ANKRD37: variants seen among roughly 807,000 people sequenced by gnomAD.
ANKRD37 encodes ankyrin repeat domain 37.
In ANKRD37, 17 loss-of-function variants were observed where a neutral mutation model predicts 19.7. The ratio of observed to expected loss-of-function variants is 0.86; its 90% CI spans 0.59 to 1.29. The LOEUF (loss-of-function observed/expected upper bound fraction) is 1.29, where lower values mean the gene tolerates loss of function less well. ANKRD37 is among the 50% of genes most tolerant of loss of function. ANKRD37 has a pLI of 0.00. For synonymous variants in ANKRD37, 79 were observed against 74.5 expected, an observed-to-expected ratio of 1.06 and a Z score of -0.31; for missense variants, 207 against 190.4, an observed-to-expected ratio of 1.09 and a Z score of -0.51.
chr4:185,397,380 T>C (rs773765453), intron 2 of ANKRD37, 78 bp downstream of exon 2: 14 of 1,535,268 alleles, frequency 9.1e-6, no homozygotes, highest in Admixed American at 1.9e-5. Flanking sequence ...ACGCCAAGAG[T>C]TGTTTCAGCT....
chr4:185,397,516 A>G (rs1561101759), intron 2 of ANKRD37: 3 of 568,812 alleles, frequency 5.3e-6, no homozygotes, highest in East Asian at 6.6e-5. Context: ...AAGTAGCCAC[A>G]TTAATAAACG....
Position 185,397,204 on chromosome 4 carries a change from G to C in ANKRD37, c.82G>C (p.Asp28His). The C allele has an allele frequency of 6.2e-7, 1 of 1,614,038 alleles. No individual in the cohort carries two copies. The highest frequency in any genetic ancestry group is 8.5e-7 in the Non-Finnish European group (1 of 1,180,030). Residue 28 changes from aspartate (D) to histidine (H), a missense_variant, in exon 2 of 5, where the codon GAT (aspartate) becomes CAT (histidine). Physicochemically the swap from Asp to His is moderately conservative, Grantham distance 81. Transcript: ENST00000335174. Reference protein sequence around the residue: ...ETGASVNAPPDPCKQSPVHLA... With the variant: ...ETGASVNAPPHPCKQSPVHLA... ...AGGGGCCTCGGTCAACGCACCCCCG[G>C]ATCCCTGCAAGCAGTCGCCTGTCCA...
At chr4:185,398,424 A>G (rs988347387) in intron 2 of ANKRD37, among the ~76,000 whole-genome samples, 7 of 152,254 alleles carry the variant, frequency 4.6e-5, no homozygotes, top group Non-Finnish European at 8.8e-5. Context: ...TGAAATGAAT[A>G]TGCAAGCATA....
intron 2 of ANKRD37, among the ~76,000 whole-genome samples, 179 bp from the exon 3 acceptor site, chr4:185,398,758 A>G (rs560838283): frequency 6.6e-6 from 1 of 151,920 alleles, no homozygotes; most frequent in Non-Finnish European, 1.5e-5. Context: ...GAATATTAAC[A>G]AAATAAACCC....
chr4:185,398,972 A>G lies in ANKRD37; in HGVS notation c.216A>G (p.Ala72=), dbSNP rs768557708. 5 of 1,613,790 alleles carry G rather than the reference A, an allele frequency of 3.1e-6. No individual in the cohort carries two copies. Among genetic ancestry groups the G allele is most frequent in the Middle Eastern group, 1.6e-4 (1 of 6,082 alleles). Reference sequence around the variant, plus strand: ...GAGAAGCTCCACTACACAAGGCAGCAAAAGTTGGAAGCCTGGAGTGCCTAA... The same window carrying G: ...GAGAAGCTCCACTACACAAGGCAGCGAAAGTTGGAAGCCTGGAGTGCCTAA... ...VLGEAPLHKA[A]KVGSLECLSL... Residue 72 remains alanine, a synonymous_variant, in exon 3 of 5, where the codon GCA becomes GCG. Coordinates refer to ENST00000335174, the MANE Select transcript of ANKRD37 (RefSeq NM_181726.4).
In ANKRD37 at chr4:185,397,280, C is replaced by T. The variant is rs985063708; in HGVS notation, c.158C>T (p.Thr53Met). 2 of 1,614,022 alleles carry T rather than the reference C, an allele frequency of 1.2e-6. No individual in the cohort carries two copies. Among genetic ancestry groups the T allele is most frequent in the African/African-American group, 1.3e-5 (1 of 75,070 alleles). ...LACFLLWQLQ[T>M]GADLNQQDVL... ...TGCTTTCTTCTCTGGCAGCTGCAAA[C>T]GGGCGCTGACCTCAACCAGCAGGTA... is the stretch of plus-strand genomic sequence containing the variant. The change falls in exon 2 of 5, where the codon ACG becomes ATG. Residue 53 changes from threonine (T) to methionine (M), a missense_variant. By Grantham distance (81) the Thr-to-Met change is moderately conservative (BLOSUM62 -1). Transcript: ENST00000335174.
Position 185,400,075 on chromosome 4 carries a change from G to A in ANKRD37, c.*58G>A, listed in dbSNP as rs551361195. The stretch of plus-strand genomic sequence containing the variant: ...GCCTTCATTTCATGCAAATCTATAA[G>A]CTCCTGCTTTTGGCTTTACCATATG... On this transcript the variant is annotated 3_prime_UTR_variant, in exon 5 of 5. Coordinates refer to ENST00000335174, the MANE Select transcript of ANKRD37 (RefSeq NM_181726.4). The A allele has an allele frequency of 3.3e-5, 48 of 1,473,654 alleles. 1 individual carries two copies. In the South Asian group the frequency reaches 5.8e-4, roughly 18 times the overall value. 91.3% of individuals were successfully genotyped at this position (1,473,654 alleles called of 1,614,324 possible). A position where few individuals can be genotyped will look rare whatever the true frequency, so the allele number is the denominator to read the frequency against.
chr4:185,399,014 T>C lies in ANKRD37; in HGVS notation c.258T>C (p.Ser86=). 6.2e-7 allele frequency: 1 copy of C among 1,613,798 alleles called. No individual in the cohort carries two copies. The highest frequency in any genetic ancestry group is 1.7e-4 in the Middle Eastern group (1 of 6,060). ...SLECLSLLVA[S]DAQIDLCNKN... ...AGTGCCTAAGCCTGCTTGTAGCCAG[T>C]GATGCCCAAATTGAGTGAGTATGAA... The change falls in exon 3 of 5, where the codon AGT becomes AGC. Residue 86 remains serine (S), a synonymous_variant. Transcript: ENST00000335174.
Position 185,398,928 on chromosome 4 carries a change from T to C in ANKRD37, c.181-9T>C, listed in dbSNP as rs1357654440. ...TGGGAGACTCTAAAATGCACCATCT[T>C]ACCTTAAGGATGTTTTAGGAGAAGC... On this transcript the variant is annotated splice_polypyrimidine_tract_variant and intron_variant, in intron 2 of 4. Transcript: ENST00000335174. 3 of 1,612,220 alleles carry C rather than the reference T, an allele frequency of 1.9e-6. No homozygotes were observed. Among genetic ancestry groups the C allele is most frequent in the Non-Finnish European group, 2.5e-6 (3 of 1,178,596 alleles).
At position 185,397,168 on chromosome 4, in the gene ANKRD37, T is replaced by C. The variant is rs1459772497; in HGVS notation, c.46T>C (p.Leu16=). The C allele has an allele frequency of 6.2e-7, 1 of 1,613,502 alleles. No homozygotes were observed. Among genetic ancestry groups the C allele is most frequent in the Non-Finnish European group, 8.5e-7 (1 of 1,180,008 alleles). The change falls in exon 2 of 5, where the codon TTG becomes CTG. Residue 16 remains leucine, a synonymous_variant. Coordinates refer to ENST00000335174, the MANE Select transcript of ANKRD37 (RefSeq NM_181726.4). ...CCTGCAGGTGGATGGTCTGAAGCAT[T>C]TGCTGGAGACAGGGGCCTCGGTCAA... ...CNPEVDGLKH[L]LETGASVNAP...
Position 185,399,731 on chromosome 4 carries a change from GT to G in ANKRD37, c.435del (p.Leu146SerfsTer4). On this transcript the variant is annotated frameshift_variant, in exon 4 of 5. Transcript: ENST00000335174. LOFTEE classifies it high-confidence loss of function. ...DCVAVLRQKR[S>X]LGSVENTSGK... ...GTTGCCGTGCTCAGACAGAAACGGA[GT>G]CTCGGAAGTGTAGAAAATACCAGTG... The G allele has an allele frequency of 6.2e-7, 1 of 1,614,130 alleles. No homozygotes were observed. The highest frequency in any genetic ancestry group is 8.5e-7 in the Non-Finnish European group (1 of 1,180,018).
rs779397831 is a variant in ANKRD37, at chr4:185,399,639, G to A, written c.342G>A (p.Lys114=). ...CATGTGGATTTCCAGACTGTGCCAAGTTTCTTACAACAATTAAATGTATGC... is the reference window on the plus strand; with the variant it reads ...CATGTGGATTTCCAGACTGTGCCAAATTTCTTACAACAATTAAATGTATGC... The part of the protein sequence containing the change: ...AWSCGFPDCA[K]FLTTIKCMQT... The change falls in exon 4 of 5, where the codon AAG becomes AAA. Residue 114 remains lysine (K), a synonymous_variant. Coordinates refer to ENST00000335174, the MANE Select transcript of ANKRD37 (RefSeq NM_181726.4). 1 of 1,614,176 alleles carries A rather than the reference G, an allele frequency of 6.2e-7. No individual in the cohort carries two copies. Among genetic ancestry groups the A allele is most frequent in the East Asian group, 2.2e-5 (1 of 44,884 alleles).
rs200611006 is a variant in ANKRD37 at position 185,396,967 on chromosome 4, C to G, written c.27+17C>G. On this transcript the variant is annotated intron_variant, in intron 1 of 4. Transcript: ENST00000335174. ...AACCCCGAGGTGAGATTCGGGCTCA[C>G]AGAGCCCGAGCTTTTGTCCTGCAGG... 6.2e-6 allele frequency: 10 copies of G among 1,613,136 alleles called. No homozygotes were observed. Among genetic ancestry groups the G allele is most frequent in the East Asian group, 4.5e-5 (2 of 44,884 alleles).
downstream of ANKRD37, chr4:185,400,351 T>G: frequency 1.4e-6 from 2 of 1,443,616 alleles, no homozygotes; most frequent in Admixed American, 2.0e-5. Flanking sequence ...ATTCACAAAT[T>G]TATAATACCA....
At chr4:185,399,475 C>A in intron 3 of ANKRD37, 95 bp from the exon 4 acceptor site, 1 of 1,379,066 alleles carries the variant, frequency 7.3e-7, no homozygotes, top group Non-Finnish European at 1.0e-6. Context: ...GTTCTGCAAC[C>A]AACATTTGTA....
chr4:185,398,824 C>A, intron 2 of ANKRD37, 113 bp from the exon 3 acceptor site: 3 of 683,512 alleles, frequency 4.4e-6, no homozygotes, highest in South Asian at 2.0e-5. Flanking sequence ...ATTCCCTGTC[C>A]AGTACAATGC....
intron 1 of ANKRD37, 23 bp from the exon 2 acceptor site, chr4:185,397,127 C>T: frequency 6.2e-7 from 1 of 1,612,568 alleles, no homozygotes; most frequent in Non-Finnish European, 8.5e-7. Flanking sequence ...GGGAAGGGTG[C>T]TGGATCTGTT....
chr4:185,397,194 C>T lies in ANKRD37; in HGVS notation c.72C>T (p.Asn24=), dbSNP rs1210211812. ...TGCTGGAGACAGGGGCCTCGGTCAA[C>T]GCACCCCCGGATCCCTGCAAGCAGT... ...KHLLETGASV[N]APPDPCKQSP... Residue 24 remains asparagine (N), a synonymous_variant, in exon 2 of 5, where the codon AAC becomes AAT. Transcript: ENST00000335174. 1 of 1,613,916 alleles carries T rather than the reference C, an allele frequency of 6.2e-7. No individual in the cohort carries two copies. The highest frequency in any genetic ancestry group is 8.5e-7 in the Non-Finnish European group (1 of 1,180,030).
intron 2 of ANKRD37, chr4:185,397,534 A>G: frequency 1.9e-6 from 1 of 518,966 alleles, no homozygotes; most frequent in Non-Finnish European, 3.3e-6. Context: ...ACGAAACATG[A>G]AATTTTAGTA....
Sources: gnomAD v4.1 joint callset for allele counts (sites outside exome capture counted in the v4.1 genomes callset) on GRCh38, gnomAD v4.1.1 for gene constraint, MANE v1.5 for transcripts, NCBI Gene and HGNC (gene_info 2026-07-23, HGNC 2026-07-21) for gene names.